NKAIN3: variants seen among roughly 807,000 people sequenced by gnomAD.
NKAIN3 encodes the protein sodium/potassium-transporting ATPase subunit beta-1-interacting protein 3.
In NKAIN3, 25 loss-of-function variants were observed where a neutral mutation model predicts 30.2. The ratio of observed to expected loss-of-function variants is 0.83; its 90% CI spans 0.60 to 1.16. NKAIN3 has a LOEUF of 1.16. Ranked by LOEUF, NKAIN3 falls within the 50% of genes most tolerant of loss-of-function variation. The pLI is 0.00. For missense variants in NKAIN3, 225 were observed against 254.1 expected (o/e 0.89, Z 0.78); for synonymous variants, 91 against 89.6 (o/e 1.02, Z -0.09).
chr8:62,562,559 T>G (rs1809620683), intron 1 of NKAIN3, among the ~76,000 whole-genome samples: 1 of 152,016 alleles, frequency 6.6e-6, no homozygotes, highest in Non-Finnish European at 1.5e-5. Flanking sequence ...AGAAATAGAG[T>G]ACTCAAGAAG....
chr8:62,278,585 G>GTT (rs1032150804), intron 1 of NKAIN3, among the ~76,000 whole-genome samples: 1 of 93,322 alleles, frequency 1.1e-5, no homozygotes, highest in Non-Finnish European at 2.5e-5. Context: ...GTGTCCAAGT[G>GTT]TTCTCATTGT....
At chr8:62,697,935 A>T (rs900845141) in intron 3 of NKAIN3, among the ~76,000 whole-genome samples, 5 of 152,240 alleles carry the variant, frequency 3.3e-5, no homozygotes, top group African/African-American at 1.2e-4. Context: ...GGCAAAGTAT[A>T]AAATAATTAA....
At chr8:62,471,844 G>A (rs1361433328) in intron 1 of NKAIN3, among the ~76,000 whole-genome samples, 5 of 152,072 alleles carry the variant, frequency 3.3e-5, no homozygotes, top group African/African-American at 9.7e-5. Context: ...GTACTCAGAA[G>A]GCTGAGAGAA....
At chr8:62,457,844 C>G (rs1204278601) in intron 1 of NKAIN3, among the ~76,000 whole-genome samples, 1 of 152,088 alleles carries the variant, frequency 6.6e-6, no homozygotes, top group Non-Finnish European at 1.5e-5. Flanking sequence ...TTAGCATCTG[C>G]TTGTACTTAA....
chr8:62,915,062 C>T (rs1234943693), intron 4 of NKAIN3, among the ~76,000 whole-genome samples: 2 of 152,038 alleles, frequency 1.3e-5, no homozygotes, highest in African/African-American at 4.8e-5. Context: ...GTTTTCTGTT[C>T]CTGTGTAAGA....
intron 1 of NKAIN3, among the ~76,000 whole-genome samples, chr8:62,307,346 C>T (rs751681528): frequency 2.0e-5 from 3 of 149,586 alleles, no homozygotes; most frequent in Non-Finnish European, 4.4e-5. Flanking sequence ...CCTTGTCTCT[C>T]CTTCTTTCCT....
Position 62,318,651 on chromosome 8 carries a change from G to A in NKAIN3, c.54+69524G>A, listed in dbSNP as rs557884328. ...GTATTACGTTTATTGATTTGCATAT[G>A]TTGAACCAGACTTGCATCCCAGGGT... is the stretch of plus-strand genomic sequence containing the variant. On this transcript the variant is annotated intron_variant, in intron 1 of 6. Coordinates refer to ENST00000623646, the MANE Select transcript of NKAIN3 (RefSeq NM_001304533.3). 4.8e-4 allele frequency among the ~76,000 whole-genome samples: 73 copies of A among 152,298 alleles called. 1 individual carries two copies. The South Asian group carries it at 0.013, about 27-fold the overall frequency.
chr8:62,869,987 G>T (rs1168559513), intron 4 of NKAIN3, among the ~76,000 whole-genome samples: 1 of 151,436 alleles, frequency 6.6e-6, no homozygotes, highest in Non-Finnish European at 1.5e-5. Context: ...AGCCAAGATG[G>T]TCTCGATCTC....
intron 3 of NKAIN3, among the ~76,000 whole-genome samples, chr8:62,650,637 A>G (rs1812594371): frequency 6.6e-6 from 1 of 152,122 alleles, no homozygotes; most frequent in Non-Finnish European, 1.5e-5. Flanking sequence ...CTAATTATAT[A>G]CCAATATACA....
chr8:62,965,059 T>C (rs1823670424), intron 6 of NKAIN3, among the ~76,000 whole-genome samples: 1 of 152,146 alleles, frequency 6.6e-6, no homozygotes, highest in South Asian at 2.1e-4. Context: ...CACTACCCTG[T>C]TATCTTTACC....
chr8:62,864,414 T>C (rs1820358302), intron 4 of NKAIN3, among the ~76,000 whole-genome samples: 1 of 152,076 alleles, frequency 6.6e-6, no homozygotes, highest in Non-Finnish European at 1.5e-5. Flanking sequence ...ATCTTGAAAA[T>C]GGCCCATTCT....
At chr8:62,324,861 C>T (rs1038943307) in intron 1 of NKAIN3, among the ~76,000 whole-genome samples, 10 of 152,022 alleles carry the variant, frequency 6.6e-5, no homozygotes, top group African/African-American at 1.9e-4. Flanking sequence ...TTCTCTCTCT[C>T]GGCTGCAAGC....
intron 1 of NKAIN3, among the ~76,000 whole-genome samples, chr8:62,333,050 T>C (rs1441241130): frequency 6.6e-6 from 1 of 152,156 alleles, no homozygotes; most frequent in Non-Finnish European, 1.5e-5. Context: ...ATTCATGAGA[T>C]TGTTTTTTAA....
chr8:62,279,323 G>A (rs1813088118), intron 1 of NKAIN3, among the ~76,000 whole-genome samples: 2 of 152,124 alleles, frequency 1.3e-5, no homozygotes, highest in Admixed American at 1.3e-4. Flanking sequence ...TCTGTAGGTT[G>A]CCTGTTCACT....
At chr8:62,890,838 A>C (rs554328988) in intron 4 of NKAIN3, among the ~76,000 whole-genome samples, 1 of 152,344 alleles carries the variant, frequency 6.6e-6, no homozygotes, top group East Asian at 1.9e-4. Context: ...TCATCACCAA[A>C]GTCCTTCCGC....
intron 3 of NKAIN3, among the ~76,000 whole-genome samples, chr8:62,706,933 C>T (rs1814540786): frequency 6.6e-6 from 1 of 151,992 alleles, no homozygotes; most frequent in East Asian, 1.9e-4. Context: ...GAACGTACGA[C>T]ATTTGAGTGT....
chr8:62,650,798 G>A (rs895190392), intron 3 of NKAIN3, among the ~76,000 whole-genome samples: 3 of 152,142 alleles, frequency 2.0e-5, no homozygotes, highest in Non-Finnish European at 2.9e-5. Context: ...CATAGATGAG[G>A]ATAGAAATAA....
At chr8:62,459,704 T>C (rs1805930713) in intron 1 of NKAIN3, among the ~76,000 whole-genome samples, 1 of 152,038 alleles carries the variant, frequency 6.6e-6, no homozygotes, top group South Asian at 2.1e-4. Flanking sequence ...AATGGGAAAA[T>C]GGAGTATGCA....
At chr8:62,849,209 T>C (rs1819787048) in intron 4 of NKAIN3, among the ~76,000 whole-genome samples, 1 of 151,684 alleles carries the variant, frequency 6.6e-6, no homozygotes, top group Non-Finnish European at 1.5e-5. Flanking sequence ...TCCTTTTCAA[T>C]TTTTTGGAAT....
Sources: allele counts gnomAD v4.1 joint callset (sites outside exome capture counted in the v4.1 genomes callset), GRCh38; gene constraint gnomAD v4.1.1; transcripts MANE v1.5; gene names NCBI Gene and HGNC (gene_info 2026-07-23, HGNC 2026-07-21).